Variants in GUCY2C observed in about 807,000 individuals in gnomAD.
GUCY2C encodes guanylate cyclase 2C.
A neutral mutation model predicts 131.1 loss-of-function variants in GUCY2C; 118 were observed. That is an observed-to-expected ratio of 0.90 (90% CI 0.78 to 1.05). The LOEUF (loss-of-function observed/expected upper bound fraction) is 1.05. Ranked by LOEUF, GUCY2C falls within the 50% of genes least tolerant of loss-of-function variation. GUCY2C has a pLI of 0.00. For missense variants in GUCY2C, 1,161 were observed against 1,304.4 expected, an observed-to-expected ratio of 0.89 and a Z score of 1.69; for synonymous variants, 452 against 457.8, an observed-to-expected ratio of 0.99 and a Z score of 0.16.
intron 11 of GUCY2C, 112 bp downstream of exon 11, chr12:14,660,869 T>C (rs549470524): frequency 2.7e-6 from 2 of 729,952 alleles, no homozygotes; most frequent in East Asian, 2.5e-5. Flanking sequence ...CTTAGGTCAG[T>C]CTGCAGGCTT....
chr12:14,681,655 G>A (rs1449842997), intron 4 of GUCY2C, among the ~76,000 whole-genome samples, 178 bp from the exon 5 acceptor site: 12 of 152,146 alleles, frequency 7.9e-5, no homozygotes, highest in African/African-American at 2.4e-4. Context: ...ATCTAAATTC[G>A]TGAAAGGATG....
chr12:14,665,650 T>G (rs1410714606), intron 10 of GUCY2C: 2 of 152,228 alleles, frequency 1.3e-5, no homozygotes, highest in Non-Finnish European at 2.9e-5. Context: ...GCTGAGGACT[T>G]GGATGAGGAC....
intron 16 of GUCY2C, 107 bp downstream of exon 16, chr12:14,645,122 T>G (rs1006125355): frequency 1.5e-6 from 1 of 659,110 alleles, no homozygotes; most frequent in Non-Finnish European, 2.6e-6. Context: ...ATAGCTATTA[T>G]TATCATTTTA....
At chr12:14,616,903 A>G (rs1946774982) in intron 24 of GUCY2C, among the ~76,000 whole-genome samples, 176 bp from the exon 25 acceptor site, 1 of 152,198 alleles carries the variant, frequency 6.6e-6, no homozygotes, top group Admixed American at 6.5e-5. Flanking sequence ...GAAATGGTAT[A>G]GTTTGGATAT....
At chr12:14,673,200 A>G (rs1948153197) in intron 8 of GUCY2C, among the ~76,000 whole-genome samples, 2 of 152,186 alleles carry the variant, frequency 1.3e-5, no homozygotes, top group African/African-American at 2.4e-5. Flanking sequence ...TTTTCATTGC[A>G]TTTAGGGTGG....
intron 5 of GUCY2C, 34 bp downstream of exon 5, chr12:14,681,322 T>A (rs1948343721): frequency 6.2e-7 from 1 of 1,603,172 alleles, no homozygotes; most frequent in Non-Finnish European, 8.5e-7. Context: ...AAAGAAGAAG[T>A]TAGCAAAAAA....
intron 15 of GUCY2C, among the ~76,000 whole-genome samples, chr12:14,645,761 C>G (rs941580047): frequency 6.6e-6 from 1 of 151,264 alleles, no homozygotes; most frequent in Non-Finnish European, 1.5e-5. Flanking sequence ...TTTGAGTTTA[C>G]TAAGTCCTCT....
intron 4 of GUCY2C, among the ~76,000 whole-genome samples, chr12:14,681,890 ATAAGT>A (rs1948354624): frequency 6.6e-6 from 1 of 152,150 alleles, no homozygotes; most frequent in Admixed American, 6.6e-5. Context: ...CCCATTATAG[ATAAGT>A]TGAAACCCTT....
rs1455172565 is a variant in GUCY2C, at chr12:14,683,063, G to A, written c.590C>T (p.Thr197Ile). ...TTACCAGAAACAGTCCTCAGTTTCT[G>A]TACCATTCTTGTAAACATACGAAGT... ...WSTSYVYKNG[T>I]ETEDCFWYLN... Residue 197 changes from threonine (T) to isoleucine (I), a missense_variant, in exon 4 of 27, where the codon ACA (threonine) becomes ATA (isoleucine). Coordinates refer to ENST00000261170, the MANE Select transcript of GUCY2C (RefSeq NM_004963.4). The A allele has an allele frequency of 8.1e-6, 13 of 1,611,434 alleles. No homozygotes were observed. The East Asian group carries it at 2.7e-4, about 33-fold the overall frequency.
At chr12:14,651,298 C>T (rs1947653180) in intron 15 of GUCY2C, 109 bp downstream of exon 15, 2 of 615,934 alleles carry the variant, frequency 3.2e-6, no homozygotes, top group Non-Finnish European at 5.7e-6. Flanking sequence ...TGTGACCCCA[C>T]CAACTTTCCC....
At chr12:14,671,608 G>A (rs1205628545) in intron 9 of GUCY2C, among the ~76,000 whole-genome samples, 1 of 152,106 alleles carries the variant, frequency 6.6e-6, no homozygotes, top group Non-Finnish European at 1.5e-5. Context: ...TAGCACAACC[G>A]ATGGTACTAC....
chr12:14,644,504 A>T (rs1036536497), intron 16 of GUCY2C, among the ~76,000 whole-genome samples: 1 of 152,220 alleles, frequency 6.6e-6, no homozygotes, highest in African/African-American at 2.4e-5. Flanking sequence ...GATTTTCATA[A>T]CACATTTTTC....
At position 14,679,714 on chromosome 12, in the gene GUCY2C, A is replaced by C; in HGVS notation, c.773T>G (p.Leu258Arg). Residue 258 changes from leucine (L) to arginine (R), a missense_variant, in exon 6 of 27, where the codon CTG (leucine) becomes CGG (arginine). Physicochemically the swap from Leu to Arg is moderately radical, Grantham distance 102 (BLOSUM62 -2). Transcript: ENST00000261170. Reference sequence around the variant, plus strand: ...TTCAGCCACTGCTCGGTCACCCTTCAGCTTGTAGAGGAACTCTGGACCACC... The same window carrying C: ...TTCAGCCACTGCTCGGTCACCCTTCCGCTTGTAGAGGAACTCTGGACCACC... ...MCGGPEFLYK[L>R]KGDRAVAEDI... is the part of the protein sequence containing the mutation. The C allele has an allele frequency of 6.2e-7, 1 of 1,600,154 alleles. No homozygotes were observed. The highest frequency in any genetic ancestry group is 8.6e-7 in the Non-Finnish European group (1 of 1,167,338).
intron 1 of GUCY2C, among the ~76,000 whole-genome samples, chr12:14,692,621 G>C (rs1948594657): frequency 6.6e-6 from 1 of 152,284 alleles, no homozygotes; most frequent in Middle Eastern, 3.4e-3. Context: ...GCCGAGGCGG[G>C]CAGATCACCT....
chr12:14,669,785 C>A lies in GUCY2C; in HGVS notation c.1219G>T (p.Val407Leu), dbSNP rs530209992. The A allele has an allele frequency of 1.9e-6, 3 of 1,605,938 alleles. No individual in the cohort carries two copies. The highest frequency in any genetic ancestry group is 2.6e-6 in the Non-Finnish European group (3 of 1,173,942). Residue 407 changes from valine (V) to leucine (L), a missense_variant, in exon 10 of 27, where the codon GTG becomes TTG. Coordinates refer to ENST00000261170, the MANE Select transcript of GUCY2C (RefSeq NM_004963.4). ...CAAGTGAATGTGGGGCTCATATCCA[C>A]AGGATAGGTCTTATTTACGTGGGTA... ...YDTHVNKTYP[V>L]DMSPTFTWKN...
At chr12:14,649,736 A>G (rs1379266048) in intron 15 of GUCY2C, among the ~76,000 whole-genome samples, 1 of 152,174 alleles carries the variant, frequency 6.6e-6, no homozygotes, top group African/African-American at 2.4e-5. Context: ...AATAATAATA[A>G]CTATTTCAGG....
At chr12:14,690,786 C>T (rs555242697) in intron 1 of GUCY2C, among the ~76,000 whole-genome samples, 9 of 152,250 alleles carry the variant, frequency 5.9e-5, no homozygotes, top group African/African-American at 2.2e-4. Flanking sequence ...CATGATCCGC[C>T]CGCCTCGGCC....
At chr12:14,657,799 T>C (rs879551664) in intron 11 of GUCY2C, among the ~76,000 whole-genome samples, 1 of 152,156 alleles carries the variant, frequency 6.6e-6, no homozygotes, top group Non-Finnish European at 1.5e-5. Flanking sequence ...GTCCCTGGTG[T>C]CAAAAGGTCG....
chr12:14,647,886 T>A (rs1947555849), intron 15 of GUCY2C, among the ~76,000 whole-genome samples: 1 of 151,996 alleles, frequency 6.6e-6, no homozygotes, highest in Non-Finnish European at 1.5e-5. Context: ...ACAAATTTCT[T>A]ATAATTTTTA....
Sources: gnomAD v4.1 joint callset for allele counts (sites outside exome capture counted in the v4.1 genomes callset) on GRCh38, gnomAD v4.1.1 for gene constraint, MANE v1.5 for transcripts, NCBI Gene and HGNC (gene_info 2026-07-23, HGNC 2026-07-21) for gene names.